CDPF1: variants seen among roughly 807,000 people sequenced by gnomAD.
The protein encoded by CDPF1 is cysteine rich DPF motif domain containing 1.
In CDPF1, 8 loss-of-function variants were observed where a neutral mutation model predicts 8.3. The ratio of observed to expected loss-of-function variants is 0.96; its 90% CI spans 0.57 to 1.74. The LOEUF (loss-of-function observed/expected upper bound fraction) is 1.74, where lower values mean the gene tolerates loss of function less well. Among genes scored for constraint, CDPF1 ranks in the 40% most tolerant of loss-of-function variants. The pLI, the probability that CDPF1 is intolerant of heterozygous loss-of-function variation, is 0.00. For synonymous variants in CDPF1, 62 were observed against 62.9 expected (o/e 0.99, Z 0.07); for missense variants, 151 against 155.3 (o/e 0.97, Z 0.15).
rs1936547300 is a variant in CDPF1, at chr22:46,249,711, CTAATCTCA to C, written c.-1+537_-1+544del. 7.1e-6 allele frequency among the ~76,000 whole-genome samples: 1 copy of C among 140,770 alleles called. No individual in the cohort carries two copies. The highest frequency in any genetic ancestry group is 7.6e-5 in the Admixed American group (1 of 13,192). 92.4% of individuals were successfully genotyped at this position (140,770 alleles called of 152,430 possible). ...TAGCCGGGCGTGGGGGCGGGCGCCT[CTAATCTCA>C]TCTACTCAGGAGACTGAGGTAGGAG... On this transcript the variant is annotated intron_variant, in intron 1 of 3. Transcript: ENST00000314567. This position sits in a 1 kb window ranked among gnomAD's most constrained non-coding sequence, Gnocchi z 4.6.
In CDPF1 at chr22:46,248,692, C is replaced by A. The variant is rs1025066373; in HGVS notation, c.1-408G>T. 6.6e-6 allele frequency among the ~76,000 whole-genome samples: 1 copy of A among 152,196 alleles called. No homozygotes were observed. Among genetic ancestry groups the A allele is most frequent in the African/African-American group, 2.4e-5 (1 of 41,444 alleles). On this transcript the variant is annotated intron_variant, in intron 1 of 3. Coordinates refer to ENST00000314567, the MANE Select transcript of CDPF1 (RefSeq NM_207327.5). The surrounding 1 kb of genome is among the most constrained non-coding windows in gnomAD (Gnocchi z 4.1). ...TTCTGCTGCTCCTAGAAGCTCTATGCCCTCACATTAGTCCACACGTGGTGT... is the reference window on the plus strand; with the variant it reads ...TTCTGCTGCTCCTAGAAGCTCTATGACCTCACATTAGTCCACACGTGGTGT...
Position 46,246,893 on chromosome 22 carries a change from G to A in CDPF1, c.225+217C>T. ...ACCCTGAGGGGCCACTGGGGTGGGT[G>A]CAGAGCCACCAATTACCTATTTCCA... On this transcript the variant is annotated intron_variant, in intron 3 of 3. Coordinates refer to ENST00000314567, the MANE Select transcript of CDPF1 (RefSeq NM_207327.5). The surrounding 1 kb of genome is among the most constrained non-coding windows in gnomAD (Gnocchi z 7.1). 4 of 1,483,044 alleles carry A rather than the reference G, an allele frequency of 2.7e-6. No individual in the cohort carries two copies. The highest frequency in any genetic ancestry group is 1.3e-5 in the South Asian group (1 of 76,838). 91.9% of individuals were successfully genotyped at this position (1,483,044 alleles called of 1,614,324 possible).
rs1464625981 is a variant in CDPF1 at position 46,247,190 on chromosome 22, G to A, written c.145C>T (p.Pro49Ser). 1.9e-6 allele frequency: 3 copies of A among 1,613,782 alleles called. No homozygotes were observed. Residue 49 changes from proline (P) to serine (S), a missense_variant, in exon 3 of 4, where the codon CCC becomes TCC. Coordinates refer to ENST00000314567, the MANE Select transcript of CDPF1 (RefSeq NM_207327.5). This position sits in a 1 kb window ranked among gnomAD's most constrained non-coding sequence, Gnocchi z 4.3. ...AATCTGTCCTTGTCGGAGGTGAAGG[G>A]ATCCTTCATGACATAGCTTTCCTCC... ...LLEESYVMKD[P>S]FTSDKDRFLV...
chr22:46,247,750 C>T lies in CDPF1; in HGVS notation c.113+422G>A, dbSNP rs767427038. ...ACTGCATCCCATGTGAGTAACACAC[C>T]GGCCAGCTTTCCAACAAAGTGGCAT... On this transcript the variant is annotated intron_variant, in intron 2 of 3. Transcript: ENST00000314567. This position sits in a 1 kb window ranked among gnomAD's most constrained non-coding sequence, Gnocchi z 4.3. Among the ~76,000 whole-genome samples, 5 of 152,228 alleles carry T rather than the reference C, an allele frequency of 3.3e-5. No individual in the cohort carries two copies. The highest frequency in any genetic ancestry group is 5.9e-5 in the Non-Finnish European group (4 of 68,046).
Position 46,245,337 on chromosome 22 carries a change from G to A in CDPF1, c.226-99C>T, listed in dbSNP as rs1359949823. 1.9e-5 allele frequency: 27 copies of A among 1,389,522 alleles called. No homozygotes were observed. The highest frequency in any genetic ancestry group is 2.6e-5 in the Non-Finnish European group (26 of 1,015,044). The allele number at this position is 1,389,522 out of a possible 1,614,324, so 86.1% of individuals were successfully genotyped here. ...TTCCCACACTTGGGGGGCTGGGCTG[G>A]GGCCCCAGCATGCACAGTGTGGGCA... On this transcript the variant is annotated intron_variant, in intron 3 of 3. Coordinates refer to ENST00000314567, the MANE Select transcript of CDPF1 (RefSeq NM_207327.5). The surrounding 1 kb of genome is among the most constrained non-coding windows in gnomAD (Gnocchi z 6.9).
At position 46,244,734 on chromosome 22, in the gene CDPF1, C is replaced by T. The variant is rs139543211; in HGVS notation, c.*358G>A. 8.1e-6 allele frequency: 2 copies of T among 245,846 alleles called. No individual in the cohort carries two copies. The highest frequency in any genetic ancestry group is 6.0e-5 in the South Asian group (1 of 16,560). 15.2% of individuals were successfully genotyped at this position (245,846 alleles called of 1,614,324 possible). The stretch of plus-strand genomic sequence containing the variant: ...GCCCCGACACAGTGTGGCATCTCCC[C>T]CCACACGCACCTGCACGCAGCCTCT... On this transcript the variant is annotated 3_prime_UTR_variant, in exon 4 of 4. Transcript: ENST00000314567. The surrounding 1 kb of genome is among the most constrained non-coding windows in gnomAD (Gnocchi z 6.7).
chr22:46,247,150 G>A lies in CDPF1; in HGVS notation c.185C>T (p.Ser62Leu), dbSNP rs758111260. Residue 62 changes from serine (S) to leucine (L), a missense_variant, in exon 3 of 4, where the codon TCG (serine) becomes TTG (leucine). Ser to Leu is a moderately radical substitution (Grantham distance 145). Transcript: ENST00000314567. The surrounding 1 kb of genome is among the most constrained non-coding windows in gnomAD (Gnocchi z 4.3). Reference sequence around the variant, plus strand: ...CAGCCTGCTGCACAAACTGCAGCACGAGCCGAGGACCAGGAATCTGTCCTT... The same window carrying A: ...CAGCCTGCTGCACAAACTGCAGCACAAGCCGAGGACCAGGAATCTGTCCTT... ...SDKDRFLVLG[S>L]CCSLCSRLVC... 24 of 1,614,086 alleles carry A rather than the reference G, an allele frequency of 1.5e-5. No individual in the cohort carries two copies. The East Asian group carries it at 1.6e-4, about 10-fold the overall frequency.
Position 46,247,017 on chromosome 22 carries a change from G to C in CDPF1, c.225+93C>G. ...GCCCCATCTATAATGGGGTGAACCCGCTGCTCCCTCTCTCCCAGCCCTCCC... is the reference window on the plus strand; with the variant it reads ...GCCCCATCTATAATGGGGTGAACCCCCTGCTCCCTCTCTCCCAGCCCTCCC... On this transcript the variant is annotated intron_variant, in intron 3 of 3. Transcript: ENST00000314567. The surrounding 1 kb of genome is among the most constrained non-coding windows in gnomAD (Gnocchi z 4.3). 7.8e-7 allele frequency: 1 copy of C among 1,280,942 alleles called. No homozygotes were observed. 79.3% of individuals were successfully genotyped at this position (1,280,942 alleles called of 1,614,324 possible).
In CDPF1 at chr22:46,247,239, CAGCGT is replaced by C. The variant is rs767279891; in HGVS notation, c.114-23_114-19del. Reference sequence around the variant, plus strand: ...CCAGGAGGCTGCAGGAGAGTGAATGCAGCGTCAGAACAGCCCAAATCTCTGCCGTC... The same window carrying C: ...CCAGGAGGCTGCAGGAGAGTGAATGCCAGAACAGCCCAAATCTCTGCCGTC... On this transcript the variant is annotated intron_variant, in intron 2 of 3. Transcript: ENST00000314567. The surrounding 1 kb of genome is among the most constrained non-coding windows in gnomAD (Gnocchi z 4.3). 1 of 1,557,560 alleles carries C rather than the reference CAGCGT, an allele frequency of 6.4e-7. No homozygotes were observed. Among genetic ancestry groups the C allele is most frequent in the Non-Finnish European group, 8.8e-7 (1 of 1,131,114 alleles).
rs911990469 is a variant in CDPF1 at position 46,245,758 on chromosome 22, G to C, written c.226-520C>G. Among the ~76,000 whole-genome samples the C allele has an allele frequency of 6.6e-6, 1 of 152,180 alleles. No homozygotes were observed. The highest frequency in any genetic ancestry group is 1.9e-4 in the East Asian group (1 of 5,190). On this transcript the variant is annotated intron_variant, in intron 3 of 3. Transcript: ENST00000314567. This position sits in a 1 kb window ranked among gnomAD's most constrained non-coding sequence, Gnocchi z 6.9. ...CACTAGAACTCCCGAGATTCATCAC[G>C]GTGCACAGCACGTGGCTAAGGATGA...
Position 46,245,340 on chromosome 22 carries a change from C to T in CDPF1, c.226-102G>A, listed in dbSNP as rs1019124526. ...CCACACTTGGGGGGCTGGGCTGGGGCCCCAGCATGCACAGTGTGGGCAGGT... is the reference window on the plus strand; with the variant it reads ...CCACACTTGGGGGGCTGGGCTGGGGTCCCAGCATGCACAGTGTGGGCAGGT... On this transcript the variant is annotated intron_variant, in intron 3 of 3. Transcript: ENST00000314567. The surrounding 1 kb of genome is among the most constrained non-coding windows in gnomAD (Gnocchi z 6.9). 1.3e-5 allele frequency: 17 copies of T among 1,288,946 alleles called. No homozygotes were observed. The African/African-American group carries it at 2.4e-4, about 18-fold the overall frequency. 79.8% of individuals were successfully genotyped at this position (1,288,946 alleles called of 1,614,324 possible). A position where few individuals can be genotyped will look rare whatever the true frequency, so the allele number is the denominator to read the frequency against.
Position 46,246,045 on chromosome 22 carries a change from T to A in CDPF1, c.226-807A>T, listed in dbSNP as rs1377429937. 6.6e-6 allele frequency among the ~76,000 whole-genome samples: 1 copy of A among 152,234 alleles called. No individual in the cohort carries two copies. Among genetic ancestry groups the A allele is most frequent in the Non-Finnish European group, 1.5e-5 (1 of 68,038 alleles). On this transcript the variant is annotated intron_variant, in intron 3 of 3. Coordinates refer to ENST00000314567, the MANE Select transcript of CDPF1 (RefSeq NM_207327.5). The surrounding 1 kb of genome is among the most constrained non-coding windows in gnomAD (Gnocchi z 7.1). ...TTCTGGACTCTTACATAGGAGAAAG[T>A]AAGTAAATAACTATTTGCTTTACTT...
At position 46,248,054 on chromosome 22, in the gene CDPF1, G is replaced by C. The variant is rs1466595003; in HGVS notation, c.113+118C>G. The C allele has an allele frequency of 1.6e-6, 1 of 637,048 alleles. No homozygotes were observed. Among genetic ancestry groups the C allele is most frequent in the Non-Finnish European group, 2.7e-6 (1 of 365,574 alleles). 39.5% of individuals were successfully genotyped at this position (637,048 alleles called of 1,614,324 possible). On this transcript the variant is annotated intron_variant, in intron 2 of 3. Transcript: ENST00000314567. The surrounding 1 kb of genome is among the most constrained non-coding windows in gnomAD (Gnocchi z 4.1). ...ATTACACCAGAAGCATTCAGAGCCT[G>C]GCCAGGGTGGGGTCTAAAGCTCCAC... is the stretch of plus-strand genomic sequence containing the variant.
In CDPF1 at chr22:46,248,166, A is replaced by C; in HGVS notation, c.113+6T>G. On this transcript the variant is annotated splice_donor_region_variant and intron_variant, in intron 2 of 3. Transcript: ENST00000314567. This position sits in a 1 kb window ranked among gnomAD's most constrained non-coding sequence, Gnocchi z 4.1. Reference sequence around the variant, plus strand: ...CCCGGCACTGGCCCAAAAGGCATGCACTCACACCATCGACTGGGTGTTGGG... The same window carrying C: ...CCCGGCACTGGCCCAAAAGGCATGCCCTCACACCATCGACTGGGTGTTGGG... 6.2e-7 allele frequency: 1 copy of C among 1,605,812 alleles called. No individual in the cohort carries two copies.
At position 46,246,318 on chromosome 22, in the gene CDPF1, C is replaced by T. The variant is rs1936489690; in HGVS notation, c.225+792G>A. ...TGCATTCAAGACCTCCACCTCCCCA[C>T]CTGGCCCACCCACCTTTGCAGTCTT... On this transcript the variant is annotated intron_variant, in intron 3 of 3. Transcript: ENST00000314567. The surrounding 1 kb of genome is among the most constrained non-coding windows in gnomAD (Gnocchi z 7.1). Among the ~76,000 whole-genome samples, 1 of 151,930 alleles carries T rather than the reference C, an allele frequency of 6.6e-6. No homozygotes were observed.
In CDPF1 at chr22:46,249,143, G is replaced by A. The variant is rs1002218743; in HGVS notation, c.1-859C>T. On this transcript the variant is annotated intron_variant, in intron 1 of 3. Coordinates refer to ENST00000314567, the MANE Select transcript of CDPF1 (RefSeq NM_207327.5). This position sits in a 1 kb window ranked among gnomAD's most constrained non-coding sequence, Gnocchi z 4.6. ...CTGGCTAAATGGCTGCCATCTGATGGGTTCATCAAAAGTTACAATTTTGCT... is the reference window on the plus strand; with the variant it reads ...CTGGCTAAATGGCTGCCATCTGATGAGTTCATCAAAAGTTACAATTTTGCT... 1.3e-5 allele frequency among the ~76,000 whole-genome samples: 2 copies of A among 152,124 alleles called. No homozygotes were observed. Among genetic ancestry groups the A allele is most frequent in the African/African-American group, 4.8e-5 (2 of 41,406 alleles).
rs186958279 is a variant in CDPF1, at chr22:46,249,938, C to G, written c.-1+318G>C. The stretch of plus-strand genomic sequence containing the variant: ...CACGCCGGGGCGTCCTAGGCCCCTG[C>G]CGAGGCTCCTGGGGGCGGTGCCTGT... On this transcript the variant is annotated intron_variant, in intron 1 of 3. Coordinates refer to ENST00000314567, the MANE Select transcript of CDPF1 (RefSeq NM_207327.5). The surrounding 1 kb of genome is among the most constrained non-coding windows in gnomAD (Gnocchi z 4.6). Among the ~76,000 whole-genome samples the G allele has an allele frequency of 5.0e-3, 764 of 152,258 alleles. 6 individuals carry two copies. Among genetic ancestry groups the G allele is most frequent in the African/African-American group, 0.017 (715 of 41,556 alleles).
At position 46,244,475 on chromosome 22, in the gene CDPF1, G is replaced by A. The variant is rs933529744; in HGVS notation, c.*617C>T. ...GGGCCAAGTGTCCAGGGAGAACGTC[G>A]GGTATCCAAATGTTTCAGTGGAAGA... On this transcript the variant is annotated 3_prime_UTR_variant, in exon 4 of 4. Coordinates refer to ENST00000314567, the MANE Select transcript of CDPF1 (RefSeq NM_207327.5). This position sits in a 1 kb window ranked among gnomAD's most constrained non-coding sequence, Gnocchi z 6.7. 1 of 152,294 alleles carries A rather than the reference G, an allele frequency of 6.6e-6. No homozygotes were observed. The highest frequency in any genetic ancestry group is 2.4e-5 in the African/African-American group (1 of 41,446). 9.4% of individuals were successfully genotyped at this position (152,294 alleles called of 1,614,324 possible).
In CDPF1 at chr22:46,247,101, C is replaced by T; in HGVS notation, c.225+9G>A. ...GGACAGGTGGCCCCAGCCCACGCTG[C>T]TTACCCACCGGGCCCACACACACCA... On this transcript the variant is annotated intron_variant, in intron 3 of 3. Coordinates refer to ENST00000314567, the MANE Select transcript of CDPF1 (RefSeq NM_207327.5). The surrounding 1 kb of genome is among the most constrained non-coding windows in gnomAD (Gnocchi z 4.3). The T allele has an allele frequency of 6.2e-7, 1 of 1,607,554 alleles. No homozygotes were observed. Among genetic ancestry groups the T allele is most frequent in the Non-Finnish European group, 8.5e-7 (1 of 1,174,728 alleles).
Sources: allele counts gnomAD v4.1 joint callset (sites outside exome capture counted in the v4.1 genomes callset), GRCh38; gene constraint gnomAD v4.1.1; non-coding constraint Gnocchi (gnomAD v3.1); transcripts MANE v1.5; gene names NCBI Gene and HGNC (gene_info 2026-07-23, HGNC 2026-07-21).